ARHGAP10: variants seen among roughly 807,000 people sequenced by gnomAD.
ARHGAP10 encodes rho GTPase-activating protein 10.
Under a neutral mutation model 108.6 loss-of-function variants are expected in ARHGAP10, and 87 were observed. The observed-to-expected ratio is 0.80, with a 90% confidence interval of 0.67 to 0.96. The LOEUF (loss-of-function observed/expected upper bound fraction) is 0.96. Ranked by LOEUF, ARHGAP10 falls within the 40% of genes least tolerant of loss-of-function variation. The pLI is 0.00. For missense variants in ARHGAP10, 939 were observed against 954.5 expected (o/e 0.98, Z 0.21); for synonymous variants, 347 against 341.1 (o/e 1.02, Z -0.19).
At chr4:148,002,922 T>C (rs1288049301) in intron 18 of ARHGAP10, among the ~76,000 whole-genome samples, 2 of 152,248 alleles carry the variant, frequency 1.3e-5, no homozygotes, top group African/African-American at 4.8e-5. Context: ...CCTTCAATTC[T>C]GCTCTGATCT....
rs370760462 is a variant in ARHGAP10, at chr4:147,950,703, AT to A, written c.1391+4010del. On this transcript the variant is annotated intron_variant, in intron 15 of 22. Coordinates refer to ENST00000336498, the MANE Select transcript of ARHGAP10 (RefSeq NM_024605.4). ...CTCTTTTTCTTCTACTGACGAGGCA[AT>A]TTTTTTTTTTAACTTCTCATGTTTT... Among the ~76,000 whole-genome samples, 695 of 148,694 alleles carry A rather than the reference AT, an allele frequency of 4.7e-3. 2 individuals carry two copies. The highest frequency in any genetic ancestry group is 0.018 in the Middle Eastern group (5 of 284).
chr4:147,776,242 C>T (rs1049107253), intron 1 of ARHGAP10, among the ~76,000 whole-genome samples: 10 of 152,246 alleles, frequency 6.6e-5, no homozygotes, highest in Non-Finnish European at 1.3e-4. Context: ...AATTCTAAGA[C>T]GGAGTCTTGC....
At chr4:147,834,530 T>C (rs1293516619) in intron 3 of ARHGAP10, among the ~76,000 whole-genome samples, 3 of 152,144 alleles carry the variant, frequency 2.0e-5, no homozygotes, top group African/African-American at 7.2e-5. Context: ...CCATTCATCT[T>C]TTAAGGCCCC....
intron 20 of ARHGAP10, among the ~76,000 whole-genome samples, chr4:148,050,493 C>A (rs1252467362): frequency 6.6e-6 from 1 of 151,676 alleles, no homozygotes; most frequent in African/African-American, 2.4e-5. Flanking sequence ...CCTGCCTCAG[C>A]CTCCCGAGTG....
intron 1 of ARHGAP10, among the ~76,000 whole-genome samples, chr4:147,808,359 G>A (rs1160397531): frequency 1.3e-5 from 2 of 151,968 alleles, no homozygotes; most frequent in Non-Finnish European, 2.9e-5. Context: ...AAGGGAGGCT[G>A]TTGAAGCTGG....
intron 3 of ARHGAP10, among the ~76,000 whole-genome samples, chr4:147,837,047 T>G (rs1385030884): frequency 1.3e-5 from 2 of 152,222 alleles, no homozygotes; most frequent in African/African-American, 4.8e-5. Flanking sequence ...TTTCACTTTT[T>G]GTCAACATTA....
At chr4:147,746,682 G>A (rs1169843305) in intron 1 of ARHGAP10, among the ~76,000 whole-genome samples, 1 of 152,168 alleles carries the variant, frequency 6.6e-6, no homozygotes, top group African/African-American at 2.4e-5. Context: ...GAGCCACCGT[G>A]CCTGGCAGCG....
At chr4:148,040,111 T>C (rs550234794) in intron 19 of ARHGAP10, among the ~76,000 whole-genome samples, 1 of 152,306 alleles carries the variant, frequency 6.6e-6, no homozygotes, top group East Asian at 1.9e-4. Flanking sequence ...TGGGGTCACC[T>C]AGGTGCTGGT....
chr4:148,011,774 G>A (rs1390163811), intron 18 of ARHGAP10, among the ~76,000 whole-genome samples: 1 of 152,098 alleles, frequency 6.6e-6, no homozygotes, highest in Non-Finnish European at 1.5e-5. Flanking sequence ...TTTTCTCTTT[G>A]GAATTAACTG....
intron 19 of ARHGAP10, among the ~76,000 whole-genome samples, chr4:148,024,037 AT>A (rs1427546610): frequency 6.6e-6 from 1 of 152,226 alleles, no homozygotes; most frequent in Non-Finnish European, 1.5e-5. Context: ...GTGTTGCCAG[AT>A]TGCCCAGTTT....
intron 3 of ARHGAP10, among the ~76,000 whole-genome samples, chr4:147,834,018 C>T (rs895561803): frequency 1.3e-5 from 2 of 152,202 alleles, no homozygotes; most frequent in Admixed American, 6.5e-5. Context: ...TGTCTGTTTT[C>T]TGTTGCTTAT....
chr4:147,738,941 G>C (rs1728541287), intron 1 of ARHGAP10, among the ~76,000 whole-genome samples: 1 of 152,016 alleles, frequency 6.6e-6, no homozygotes, highest in Non-Finnish European at 1.5e-5. Context: ...CTAGCACTTT[G>C]GGAGGCCGAG....
intron 1 of ARHGAP10, among the ~76,000 whole-genome samples, chr4:147,751,875 A>C (rs1729165025): frequency 6.8e-6 from 1 of 147,736 alleles, no homozygotes; most frequent in Admixed American, 6.7e-5. Flanking sequence ...CACTTTCTGA[A>C]GCCTTTAGTT....
intron 10 of ARHGAP10, among the ~76,000 whole-genome samples, chr4:147,903,939 T>C (rs188935289): frequency 6.6e-6 from 1 of 152,356 alleles, no homozygotes; most frequent in Admixed American, 6.5e-5. Context: ...ATGTGCAGGT[T>C]CTTGTGTAGA....
intron 10 of ARHGAP10, among the ~76,000 whole-genome samples, chr4:147,887,476 A>G (rs927434464): frequency 6.6e-6 from 1 of 152,100 alleles, no homozygotes; most frequent in African/African-American, 2.4e-5. Flanking sequence ...CACCATCACC[A>G]ATGAAACCAC....
At chr4:147,783,109 G>A (rs1299339784) in intron 1 of ARHGAP10, among the ~76,000 whole-genome samples, 1 of 140,418 alleles carries the variant, frequency 7.1e-6, no homozygotes, top group African/African-American at 2.6e-5. Context: ...TAAATTATAT[G>A]TTAAATTATA....
At chr4:147,844,160 G>A in intron 3 of ARHGAP10, among the ~76,000 whole-genome samples, 1 of 152,094 alleles carries the variant, frequency 6.6e-6, no homozygotes, top group East Asian at 1.9e-4. Flanking sequence ...GCAGTAAATA[G>A]TGTCCTTTAT....
chr4:148,031,363 T>C (rs1005479040), intron 19 of ARHGAP10, among the ~76,000 whole-genome samples: 5 of 152,212 alleles, frequency 3.3e-5, no homozygotes, highest in Non-Finnish European at 5.9e-5. Context: ...CAATATTTAT[T>C]AAACTTAGAT....
At chr4:147,843,387 C>A (rs1733495669) in intron 3 of ARHGAP10, among the ~76,000 whole-genome samples, 1 of 152,188 alleles carries the variant, frequency 6.6e-6, no homozygotes. Context: ...AAGGGTTGTT[C>A]CCCACGTGGT....
Sources: allele counts gnomAD v4.1 joint callset (sites outside exome capture counted in the v4.1 genomes callset), GRCh38; gene constraint gnomAD v4.1.1; transcripts MANE v1.5; gene names NCBI Gene and HGNC (gene_info 2026-07-23, HGNC 2026-07-21).